The following MAGI2 variants were observed in gnomAD, a reference collection of about 807,000 sequenced individuals.
The protein encoded by MAGI2 is membrane-associated guanylate kinase, WW and PDZ domain-containing protein 2.
A neutral mutation model predicts 133.3 loss-of-function variants in MAGI2; 35 were observed. The observed-to-expected ratio is 0.26, with a 90% CI of 0.20 to 0.35. The LOEUF (loss-of-function observed/expected upper bound fraction) is 0.35, where lower values mean the gene tolerates loss of function less well. Among genes scored for constraint, MAGI2 ranks in the 10% least tolerant of loss-of-function variants. MAGI2 has a pLI of 1.00. For synonymous variants in MAGI2, 729 were observed against 710.6 expected (o/e 1.03, Z -0.41); for missense variants, 1,636 against 1,863.4 (o/e 0.88, Z 2.25).
intron 3 of MAGI2, among the ~76,000 whole-genome samples, chr7:78,606,920 A>T (rs1184940238): frequency 6.6e-6 from 1 of 152,112 alleles, no homozygotes; most frequent in Non-Finnish European, 1.5e-5. Flanking sequence ...CCAATTTCTA[A>T]TTTTAAATGT....
At chr7:79,092,033 AC>A (rs1817105708) in intron 1 of MAGI2, among the ~76,000 whole-genome samples, 1 of 152,052 alleles carries the variant, frequency 6.6e-6, no homozygotes, top group African/African-American at 2.4e-5. Context: ...CACTATGCTA[AC>A]CAGAAGAAAA....
At chr7:78,514,306 A>C (rs1795860092) in intron 4 of MAGI2, among the ~76,000 whole-genome samples, 1 of 151,462 alleles carries the variant, frequency 6.6e-6, no homozygotes, top group African/African-American at 2.4e-5. Context: ...GTAATATTAT[A>C]ATTACAATCA....
intron 1 of MAGI2, among the ~76,000 whole-genome samples, chr7:79,320,501 C>T (rs1219727879): frequency 6.6e-6 from 1 of 151,880 alleles, no homozygotes; most frequent in Admixed American, 6.6e-5. Flanking sequence ...TTTTAGATTT[C>T]TTGTGTGACC....
intron 1 of MAGI2, among the ~76,000 whole-genome samples, chr7:79,428,340 C>A (rs1027210577): frequency 1.3e-5 from 2 of 152,076 alleles, no homozygotes; most frequent in Non-Finnish European, 2.9e-5. Context: ...ATTTGCATAT[C>A]TTTAGAGACA....
At chr7:78,647,650 T>C (rs909871797) in intron 2 of MAGI2, among the ~76,000 whole-genome samples, 1 of 152,212 alleles carries the variant, frequency 6.6e-6, no homozygotes, top group African/African-American at 2.4e-5. Flanking sequence ...ACTGGGTATA[T>C]ACCCAAAGGA....
At chr7:78,354,222 T>C (rs1157779699) in intron 7 of MAGI2, among the ~76,000 whole-genome samples, 1 of 152,228 alleles carries the variant, frequency 6.6e-6, no homozygotes, top group African/African-American at 2.4e-5. Context: ...GTGAGAATAG[T>C]CTGACTTGTA....
At chr7:78,585,426 C>T (rs931383937) in intron 3 of MAGI2, among the ~76,000 whole-genome samples, 2 of 152,176 alleles carry the variant, frequency 1.3e-5, no homozygotes, top group South Asian at 4.1e-4. Context: ...CCAGGAAGAA[C>T]TGCAGTCTCT....
chr7:78,891,953 A>G (rs1282687787), intron 2 of MAGI2, among the ~76,000 whole-genome samples: 1 of 152,212 alleles, frequency 6.6e-6, no homozygotes, highest in East Asian at 1.9e-4. Flanking sequence ...CTGTTTGCAG[A>G]TGACATGATT....
chr7:78,877,297 T>G (rs1282061703), intron 2 of MAGI2, among the ~76,000 whole-genome samples: 1 of 152,202 alleles, frequency 6.6e-6, no homozygotes, highest in East Asian at 1.9e-4. Context: ...GACGTTTGAC[T>G]AGTCTGGTAA....
At chr7:79,228,180 G>GA (rs989023053) in intron 1 of MAGI2, among the ~76,000 whole-genome samples, 2 of 151,028 alleles carry the variant, frequency 1.3e-5, no homozygotes, top group African/African-American at 4.9e-5. Flanking sequence ...CTCGTCTCTA[G>GA]AAAAAAATTA....
At chr7:79,136,037 GAA>G in intron 1 of MAGI2, among the ~76,000 whole-genome samples, 1 of 131,264 alleles carries the variant, frequency 7.6e-6, no homozygotes, top group Admixed American at 7.6e-5. Context: ...AGGAAAGAAA[GAA>G]AGAAAGAAGG....
chr7:78,402,432 A>ATG (rs1405651176), intron 6 of MAGI2, among the ~76,000 whole-genome samples: 2 of 151,474 alleles, frequency 1.3e-5, no homozygotes, highest in East Asian at 1.9e-4. Context: ...TGGGGTATGC[A>ATG]TGTGTGTGTG....
intron 21 of MAGI2, among the ~76,000 whole-genome samples, chr7:78,073,611 G>A (rs898289002): frequency 1.3e-5 from 2 of 152,206 alleles, no homozygotes; most frequent in Admixed American, 1.3e-4. Flanking sequence ...GGTCTGAACT[G>A]CTTATGTTGG....
chr7:78,741,314 T>G (rs1326805512), intron 2 of MAGI2, among the ~76,000 whole-genome samples: 1 of 149,784 alleles, frequency 6.7e-6, no homozygotes, highest in Non-Finnish European at 1.5e-5. Context: ...GCATGAGAAC[T>G]ACCCATTTGG....
intron 20 of MAGI2, among the ~76,000 whole-genome samples, chr7:78,082,259 A>G (rs73706513): frequency 0.033 from 5,047 of 152,308 alleles, 294 homozygotes; most frequent in African/African-American, 0.11. Context: ...TTTTCCCTAC[A>G]AGGAACTTAT....
chr7:79,056,063 A>G (rs184284157), intron 1 of MAGI2, among the ~76,000 whole-genome samples: 2 of 152,326 alleles, frequency 1.3e-5, no homozygotes, highest in Admixed American at 1.3e-4. Flanking sequence ...TTTAAAGAAT[A>G]CAACCTATCC....
intron 3 of MAGI2, among the ~76,000 whole-genome samples, chr7:78,610,258 A>G (rs575025940): frequency 1.3e-5 from 2 of 152,326 alleles, no homozygotes; most frequent in South Asian, 4.1e-4. Context: ...TATCAATCCA[A>G]TTGCTTCAGG....
chr7:78,341,155 T>C (rs1474135041), intron 9 of MAGI2, among the ~76,000 whole-genome samples: 1 of 152,158 alleles, frequency 6.6e-6, no homozygotes, highest in African/African-American at 2.4e-5. Context: ...CTAGCATTCC[T>C]ATACACCAAT....
At chr7:78,803,346 T>C (rs1788241930) in intron 2 of MAGI2, among the ~76,000 whole-genome samples, 2 of 152,232 alleles carry the variant, frequency 1.3e-5, no homozygotes, top group African/African-American at 2.4e-5. Flanking sequence ...AAAAATACTT[T>C]GATGTTGTAT....
Sources: gnomAD v4.1 joint callset for allele counts (sites outside exome capture counted in the v4.1 genomes callset) on GRCh38, gnomAD v4.1.1 for gene constraint, MANE v1.5 for transcripts, NCBI Gene and HGNC (gene_info 2026-07-23, HGNC 2026-07-21) for gene names.